Variants in KCNN3 observed in about 807,000 individuals in gnomAD.
KCNN3 encodes small conductance calcium-activated potassium channel protein 3.
A neutral mutation model predicts 62.9 loss-of-function variants in KCNN3; 16 were observed. That is an observed-to-expected ratio of 0.25 (90% CI 0.17 to 0.39). The LOEUF is 0.39. KCNN3 is among the 10% of genes least tolerant of loss of function. KCNN3 has a pLI of 1.00. For synonymous variants in KCNN3, 370 were observed against 389.2 expected (o/e 0.95, Z 0.58); for missense variants, 599 against 949.4 (o/e 0.63, Z 4.85).
intron 1 of KCNN3, among the ~76,000 whole-genome samples, chr1:154,822,884 G>A (rs909909003): frequency 6.6e-6 from 1 of 152,228 alleles, no homozygotes; most frequent in Non-Finnish European, 1.5e-5. Context: ...TCCCAGGGCA[G>A]CTTAGAGAAA....
At chr1:154,844,516 T>A (rs1036157109) in intron 1 of KCNN3, among the ~76,000 whole-genome samples, 1 of 152,202 alleles carries the variant, frequency 6.6e-6, no homozygotes, top group Non-Finnish European at 1.5e-5. Flanking sequence ...CATGGAGTAG[T>A]CCCCAGTGGG....
chr1:154,829,557 C>T (rs949470639), intron 1 of KCNN3, among the ~76,000 whole-genome samples: 5 of 152,130 alleles, frequency 3.3e-5, no homozygotes, highest in Non-Finnish European at 4.4e-5. Context: ...CCCCAGTGGG[C>T]GGAAAGCTGA....
intron 1 of KCNN3, chr1:154,868,365 C>T (rs1160336476): frequency 1.2e-5 from 12 of 988,052 alleles, no homozygotes; most frequent in South Asian, 4.7e-5. Flanking sequence ...TATATTTTTA[C>T]CCCATGCCCT....
chr1:154,701,049 A>G lies in KCNN3; in HGVS notation c.*6927T>C, dbSNP rs908232084. On this transcript the variant is annotated 3_prime_UTR_variant, in exon 8 of 8. Transcript: ENST00000271915. ...ACAGGCACTGAGAGAATTTAGCTCC[A>G]TAACAAGAAAACTTGTGTACAAGTT... 3 of 152,180 alleles carry G rather than the reference A, an allele frequency of 2.0e-5. No individual in the cohort carries two copies. The highest frequency in any genetic ancestry group is 7.2e-5 in the African/African-American group (3 of 41,452). The allele number at this position is 152,180 out of a possible 1,614,324, so 9.4% of individuals were successfully genotyped here.
intron 2 of KCNN3, among the ~76,000 whole-genome samples, chr1:154,819,509 T>C (rs1650804967): frequency 1.3e-5 from 2 of 152,122 alleles, no homozygotes; most frequent in Non-Finnish European, 2.9e-5. Context: ...AACTACAATA[T>C]GGCCCAGTGC....
At chr1:154,751,161 C>A (rs1189946088) in intron 3 of KCNN3, among the ~76,000 whole-genome samples, 1 of 152,234 alleles carries the variant, frequency 6.6e-6, no homozygotes, top group Non-Finnish European at 1.5e-5. Flanking sequence ...AGCTCAGACC[C>A]GCCCAACTCG....
chr1:154,700,021 T>C lies in KCNN3; in HGVS notation c.*7955A>G, dbSNP rs1202565463. ...TTTGATGTAGACCATCCAAGTTATA[T>C]AACCTCAAGTGGAATTTAAAGATGC... On this transcript the variant is annotated 3_prime_UTR_variant, in exon 8 of 8. Transcript: ENST00000271915. 1 of 152,256 alleles carries C rather than the reference T, an allele frequency of 6.6e-6. No homozygotes were observed. Among genetic ancestry groups the C allele is most frequent in the Non-Finnish European group, 1.5e-5 (1 of 68,044 alleles). The allele number at this position is 152,256 out of a possible 1,614,324, so 9.4% of individuals were successfully genotyped here.
At chr1:154,751,350 T>A (rs1036763008) in intron 3 of KCNN3, among the ~76,000 whole-genome samples, 2 of 152,196 alleles carry the variant, frequency 1.3e-5, no homozygotes, top group African/African-American at 4.8e-5. Flanking sequence ...AACTAGCAGC[T>A]GGGCTGACTG....
chr1:154,697,645 C>G lies in KCNN3; in HGVS notation c.*10331G>C, dbSNP rs943670467. On this transcript the variant is annotated 3_prime_UTR_variant, in exon 8 of 8. Coordinates refer to ENST00000271915, the MANE Select transcript of KCNN3 (RefSeq NM_002249.6). ...CATATTTTGCACAGAGAAGAAAATG[C>G]AGTCTCCCATCCAGATCCTCAGACC... 6.6e-6 allele frequency: 1 copy of G among 152,220 alleles called. No individual in the cohort carries two copies. The highest frequency in any genetic ancestry group is 1.5e-5 in the Non-Finnish European group (1 of 68,086). 9.4% of individuals were successfully genotyped at this position (152,220 alleles called of 1,614,324 possible).
At chr1:154,722,385 A>ATT (rs11347024) in intron 5 of KCNN3, among the ~76,000 whole-genome samples, 2,474 of 102,004 alleles carry the variant, frequency 0.024, 119 homozygotes, top group African/African-American at 0.083. Flanking sequence ...TGAGCTTAGC[A>ATT]TTTTTTTTTT....
chr1:154,811,204 T>A (rs1384562469), intron 2 of KCNN3, among the ~76,000 whole-genome samples: 1 of 151,860 alleles, frequency 6.6e-6, no homozygotes, highest in Admixed American at 6.6e-5. Context: ...AGGGTAAAGG[T>A]AAGTTTAGGG....
chr1:154,747,836 G>A (rs1052681487), intron 3 of KCNN3, among the ~76,000 whole-genome samples: 2 of 152,158 alleles, frequency 1.3e-5, no homozygotes, highest in Non-Finnish European at 2.9e-5. Flanking sequence ...ACCCCAGCAA[G>A]CAACTGCTTA....
At chr1:154,828,119 TG>T (rs1651213023) in intron 1 of KCNN3, among the ~76,000 whole-genome samples, 1 of 152,130 alleles carries the variant, frequency 6.6e-6, no homozygotes, top group African/African-American at 2.4e-5. Flanking sequence ...AAGACAGCTC[TG>T]GAACAGAGGC....
intron 7 of KCNN3, among the ~76,000 whole-genome samples, chr1:154,709,128 G>A (rs1700023737): frequency 6.6e-6 from 1 of 152,148 alleles, no homozygotes; most frequent in Non-Finnish European, 1.5e-5. Context: ...TTCCAGGGGT[G>A]CCGGCCGATT....
intron 3 of KCNN3, among the ~76,000 whole-genome samples, chr1:154,762,978 C>A (rs1346314578): frequency 3.3e-5 from 5 of 152,028 alleles, no homozygotes. Flanking sequence ...TCAGTGTTTT[C>A]CATTAGGTTT....
chr1:154,833,497 G>A (rs549571145), intron 1 of KCNN3, among the ~76,000 whole-genome samples: 4 of 152,214 alleles, frequency 2.6e-5, no homozygotes, highest in East Asian at 1.9e-4. Context: ...GCCAACAAAC[G>A]TGAGACAGTG....
intron 3 of KCNN3, among the ~76,000 whole-genome samples, chr1:154,759,972 TTC>T (rs1491069859): frequency 1.3e-5 from 2 of 149,624 alleles, no homozygotes; most frequent in Non-Finnish European, 3.0e-5. Context: ...TTATTTTATT[TTC>T]TCTCTCTCTC....
intron 2 of KCNN3, among the ~76,000 whole-genome samples, chr1:154,793,401 G>A (rs1649598611): frequency 6.6e-6 from 1 of 152,132 alleles, no homozygotes; most frequent in Admixed American, 6.5e-5. Context: ...AGCAAATGGG[G>A]TGATGGGGAG....
At chr1:154,839,538 A>C (rs1176643980) in intron 1 of KCNN3, among the ~76,000 whole-genome samples, 1 of 152,206 alleles carries the variant, frequency 6.6e-6, no homozygotes, top group Non-Finnish European at 1.5e-5. Context: ...GGTTTGGAAA[A>C]GACACTACAG....
Sources: allele counts gnomAD v4.1 joint callset (sites outside exome capture counted in the v4.1 genomes callset), GRCh38; gene constraint gnomAD v4.1.1; transcripts MANE v1.5; gene names NCBI Gene and HGNC (gene_info 2026-07-23, HGNC 2026-07-21).